The following TSPEAR variants were observed in gnomAD, a reference collection of about 807,000 sequenced individuals.
The protein encoded by TSPEAR is thrombospondin type laminin G domain and EAR repeats.
TSPEAR carries 69 observed loss-of-function variants against 71.6 expected under a neutral mutation model. That is an observed-to-expected ratio of 0.96 (90% confidence interval 0.79 to 1.18). The LOEUF is 1.18. Ranked by LOEUF, TSPEAR falls within the 50% of genes most tolerant of loss-of-function variation. The probability of loss-of-function intolerance (pLI) is 0.00; values close to 1 mark genes in which losing one functional copy is unlikely to be tolerated. For synonymous variants in TSPEAR, 402 were observed against 387.2 expected (o/e 1.04, Z -0.45); for missense variants, 971 against 894.9 (o/e 1.09, Z -1.09).
intron 2 of TSPEAR, chr21:44,539,816 G>A (rs781807110): frequency 1.9e-6 from 3 of 1,578,064 alleles, no homozygotes; most frequent in South Asian, 1.1e-5. Flanking sequence ...AGAGCAGGTG[G>A]GCAGGCAGCA....
intron 6 of TSPEAR, 26 bp from the exon 7 acceptor site, chr21:44,527,544 G>T (rs782820073): frequency 1.2e-6 from 2 of 1,608,526 alleles, no homozygotes; most frequent in South Asian, 1.1e-5. Context: ...TTGTGACTCG[G>T]TTAAGATTTC....
intron 1 of TSPEAR, chr21:44,592,568 G>A (rs1203181346): frequency 5.2e-6 from 8 of 1,535,068 alleles, no homozygotes; most frequent in Non-Finnish European, 7.0e-6. Flanking sequence ...TGGCCTTGTT[G>A]TCCCCGGGCC....
At position 44,525,752 on chromosome 21, in the gene TSPEAR, A is replaced by C; in HGVS notation, c.1237T>G (p.Phe413Val). The change falls in exon 8 of 12, where the codon TTT becomes GTT. Residue 413 changes from phenylalanine to valine, a missense_variant. Phe to Val is a conservative substitution (Grantham distance 50). Coordinates refer to ENST00000323084, the MANE Select transcript of TSPEAR (RefSeq NM_144991.3). ...IYKWSHRKLK[F>V]TPYQSIATHS... ...GTGGCAATGCTCTGATATGGGGTAA[A>C]CTTCAGCTTTCTGTGGCTCCATTTG... 6.2e-7 allele frequency: 1 copy of C among 1,613,956 alleles called. No homozygotes were observed. Among genetic ancestry groups the C allele is most frequent in the South Asian group, 1.1e-5 (1 of 91,066 alleles).
chr21:44,668,258 C>T lies in TSPEAR; in HGVS notation c.82+43175G>A, dbSNP rs79647978. ...AATCAGTTCTATTTCCATAAACTAA[C>T]AAGCATAATCTCAAAAGGAAAGTAC... On this transcript the variant is annotated intron_variant, in intron 1 of 11. Transcript: ENST00000323084. 1.3e-4 allele frequency among the ~76,000 whole-genome samples: 20 copies of T among 152,224 alleles called. No individual in the cohort carries two copies. The East Asian group carries it at 3.9e-3, about 29-fold the overall frequency.
At chr21:44,673,905 C>CAA (rs57778899) in intron 1 of TSPEAR, among the ~76,000 whole-genome samples, 5,876 of 149,712 alleles carry the variant, frequency 0.039, 124 homozygotes, top group Middle Eastern at 0.079. Context: ...AAAAATTTCT[C>CAA]AAAAAAAAAT....
chr21:44,509,931 C>T (rs1466316464), intron 9 of TSPEAR: 1 of 153,726 alleles, frequency 6.5e-6, no homozygotes, highest in Non-Finnish European at 1.4e-5. Context: ...ACATCAGGTA[C>T]CTCTCGAGTT....
Position 44,710,315 on chromosome 21 carries a change from G to T in TSPEAR, c.82+1118C>A, listed in dbSNP as rs1309305394. On this transcript the variant is annotated intron_variant, in intron 1 of 11. Transcript: ENST00000323084. This position sits in a 1 kb window ranked among gnomAD's most constrained non-coding sequence, Gnocchi z 4.6. Reference sequence around the variant, plus strand: ...CTGTCCCCAACACCCAGGCAGTAATGGTTCCAGCACGGAAGGTCTACCTAC... The same window carrying T: ...CTGTCCCCAACACCCAGGCAGTAATTGTTCCAGCACGGAAGGTCTACCTAC... Among the ~76,000 whole-genome samples the T allele has an allele frequency of 6.6e-6, 1 of 152,180 alleles. No individual in the cohort carries two copies. Among genetic ancestry groups the T allele is most frequent in the Non-Finnish European group, 1.5e-5 (1 of 68,026 alleles).
At chr21:44,601,578 C>T (rs782012154) in intron 1 of TSPEAR, 15 of 1,613,110 alleles carry the variant, frequency 9.3e-6, no homozygotes, top group Middle Eastern at 1.6e-4. Flanking sequence ...TGTGCAGGCC[C>T]GCCTGCTGCG....
chr21:44,665,325 T>C (rs1034319875), intron 1 of TSPEAR, among the ~76,000 whole-genome samples: 2 of 152,214 alleles, frequency 1.3e-5, no homozygotes, highest in African/African-American at 4.8e-5. Context: ...GGCTATGCTA[T>C]CTGGAATAGC....
intron 11 of TSPEAR, 86 bp from the exon 12 acceptor site, chr21:44,500,022 C>T: frequency 7.2e-7 from 1 of 1,396,086 alleles, no homozygotes; most frequent in Non-Finnish European, 9.5e-7. Context: ...CTGTCAGGGA[C>T]CCAGCAGCTC....
intron 1 of TSPEAR, among the ~76,000 whole-genome samples, chr21:44,661,386 G>A (rs1319053602): frequency 2.6e-5 from 4 of 151,970 alleles, no homozygotes; most frequent in African/African-American, 7.3e-5. Context: ...GTAAAACATG[G>A]CAACAATAAC....
At position 44,709,478 on chromosome 21, in the gene TSPEAR, G is replaced by T. The variant is rs148552535; in HGVS notation, c.82+1955C>A. ...AATAGCCAAATGAGTCCTAGAAAGC[G>T]AGAGACGAGAGGGGAATGAGCGCCG... On this transcript the variant is annotated intron_variant, in intron 1 of 11. Coordinates refer to ENST00000323084, the MANE Select transcript of TSPEAR (RefSeq NM_144991.3). Among the ~76,000 whole-genome samples, 23 of 152,362 alleles carry T rather than the reference G, an allele frequency of 1.5e-4. No homozygotes were observed. The East Asian group carries it at 3.9e-3, about 26-fold the overall frequency.
chr21:44,568,273 T>C (rs1555922043), intron 1 of TSPEAR, among the ~76,000 whole-genome samples: 1 of 152,154 alleles, frequency 6.6e-6, no homozygotes, highest in Non-Finnish European at 1.5e-5. Context: ...ATTCCACCCA[T>C]GGCTGCTGTT....
At chr21:44,616,321 C>T (rs1262546800) in intron 1 of TSPEAR, among the ~76,000 whole-genome samples, 3 of 152,172 alleles carry the variant, frequency 2.0e-5, no homozygotes, top group African/African-American at 7.2e-5. Context: ...TCTTACAATT[C>T]TTCTTTTTCT....
intron 9 of TSPEAR, chr21:44,515,554 TTGGTTCCGG>T (rs1204991024): frequency 6.6e-5 from 10 of 152,410 alleles, no homozygotes; most frequent in South Asian, 6.2e-4. Flanking sequence ...GACCCTCCCC[TTGGTTCCGG>T]TGGTTCCATT....
At chr21:44,508,539 G>A (rs2052262492) in intron 10 of TSPEAR, 5 of 1,105,086 alleles carry the variant, frequency 4.5e-6, no homozygotes, top group Non-Finnish European at 4.5e-6. Flanking sequence ...TTCACAGACC[G>A]GAATTCCACC....
At chr21:44,538,999 T>G in intron 2 of TSPEAR, 9 of 521,474 alleles carry the variant, frequency 1.7e-5, no homozygotes, top group South Asian at 5.6e-5. Flanking sequence ...CCAAGGAGAG[T>G]TTATTGGGGA....
At chr21:44,550,088 A>G (rs8133293) in intron 2 of TSPEAR, among the ~76,000 whole-genome samples, 70,518 of 142,262 alleles carry the variant, frequency 0.5, 12,831 homozygotes, top group South Asian at 0.6. Context: ...GCTTCTACCC[A>G]CAGTGCGTGG....
At chr21:44,573,740 C>T (rs1555923021) in intron 1 of TSPEAR, 1 of 1,607,764 alleles carries the variant, frequency 6.2e-7, no homozygotes, top group Non-Finnish European at 8.5e-7. Flanking sequence ...GCTCAACCCC[C>T]AGCACAGCAG....
Sources: allele counts gnomAD v4.1 joint callset (sites outside exome capture counted in the v4.1 genomes callset), GRCh38; gene constraint gnomAD v4.1.1; non-coding constraint Gnocchi (gnomAD v3.1); transcripts MANE v1.5; gene names NCBI Gene and HGNC (gene_info 2026-07-23, HGNC 2026-07-21).